KCNN2: variants seen among roughly 807,000 people sequenced by gnomAD.
KCNN2 encodes small conductance calcium-activated potassium channel protein 2.
Under a neutral mutation model 55.5 loss-of-function variants are expected in KCNN2, and 24 were observed. The observed-to-expected ratio is 0.43, with a 90% CI of 0.31 to 0.61. KCNN2 has a LOEUF of 0.61. Ranked by LOEUF, KCNN2 falls within the 20% of genes least tolerant of loss-of-function variation. KCNN2 has a pLI of 0.08. For missense variants in KCNN2, 754 were observed against 853.6 expected, an observed-to-expected ratio of 0.88 and a Z score of 1.45; for synonymous variants, 431 against 336.1, an observed-to-expected ratio of 1.28 and a Z score of -3.09.
In KCNN2 at chr5:114,058,925, G is replaced by C. The variant is rs577292635; in HGVS notation, c.-271+2425G>C. ...TGTGTTTCTGCAGGTTACTTACTGC[G>C]CAGGAGACCAGCTCGGGGGGTCAAG... On this transcript the variant is annotated intron_variant, in intron 1 of 10. Coordinates refer to the KCNN2 transcript ENST00000512097. 3.1e-4 allele frequency among the ~76,000 whole-genome samples: 47 copies of C among 152,284 alleles called. 1 individual carries two copies. Among genetic ancestry groups the C allele is most frequent in the Middle Eastern group, 3.4e-3 (1 of 294 alleles).
chr5:114,320,273 A>G (rs927956260), intron 2 of KCNN2, among the ~76,000 whole-genome samples: 19 of 152,004 alleles, frequency 1.2e-4, no homozygotes, highest in African/African-American at 4.1e-4. Context: ...TCTACAGGGT[A>G]TTAGATTAGT....
chr5:114,334,883 C>A (rs994817553), intron 2 of KCNN2, among the ~76,000 whole-genome samples: 14 of 152,116 alleles, frequency 9.2e-5, no homozygotes, highest in African/African-American at 3.4e-4. Flanking sequence ...CCCTGAAATT[C>A]ATGTGTTTCA....
chr5:114,426,474 T>A (rs867430656), intron 3 of KCNN2, among the ~76,000 whole-genome samples: 1 of 152,236 alleles, frequency 6.6e-6, no homozygotes, highest in Non-Finnish European at 1.5e-5. Flanking sequence ...ATGATGTCTT[T>A]GATTTAATCT....
chr5:114,079,821 A>ATTG (rs1236952518), intron 1 of KCNN2, among the ~76,000 whole-genome samples: 1 of 125,634 alleles, frequency 8.0e-6, no homozygotes, highest in Non-Finnish European at 1.6e-5. Flanking sequence ...TAGATACTTA[A>ATTG]TATGTGTGTG....
At chr5:114,119,259 C>T (rs893169497) in intron 1 of KCNN2, among the ~76,000 whole-genome samples, 3 of 152,104 alleles carry the variant, frequency 2.0e-5, no homozygotes, top group African/African-American at 4.8e-5. Context: ...ACCTCATGCT[C>T]CATTATTAAA....
chr5:114,187,741 C>G (rs993002880), intron 1 of KCNN2, among the ~76,000 whole-genome samples: 13 of 151,648 alleles, frequency 8.6e-5, no homozygotes, highest in South Asian at 6.3e-4. Flanking sequence ...CTCCTGACCT[C>G]GAGATCCACC....
At chr5:114,453,584 A>G (rs150178404) in intron 3 of KCNN2, among the ~76,000 whole-genome samples, 200 of 152,186 alleles carry the variant, frequency 1.3e-3, no homozygotes, top group Middle Eastern at 0.01. Flanking sequence ...GAAGAACACT[A>G]TTTCTTTTCT....
intron 2 of KCNN2, among the ~76,000 whole-genome samples, chr5:114,377,915 A>G (rs1757991759): frequency 6.6e-6 from 1 of 152,174 alleles, no homozygotes; most frequent in African/African-American, 2.4e-5. Flanking sequence ...TTATTCTGTC[A>G]TTGTTACTAC....
At chr5:114,321,587 C>T (rs1756613917) in intron 2 of KCNN2, among the ~76,000 whole-genome samples, 1 of 152,118 alleles carries the variant, frequency 6.6e-6, no homozygotes, top group African/African-American at 2.4e-5. Context: ...TCATTGTTTC[C>T]TCTTTGTAAT....
chr5:114,182,670 A>G (rs1454557830), intron 1 of KCNN2, among the ~76,000 whole-genome samples: 1 of 152,086 alleles, frequency 6.6e-6, no homozygotes, highest in Non-Finnish European at 1.5e-5. Context: ...TCATATTCCA[A>G]CTGTTAGCTG....
chr5:114,436,836 C>T (rs1760021436), intron 3 of KCNN2, among the ~76,000 whole-genome samples: 1 of 152,218 alleles, frequency 6.6e-6, no homozygotes, highest in Admixed American at 6.5e-5. Context: ...CTCTTTGACA[C>T]TATCCAATGT....
intron 1 of KCNN2, among the ~76,000 whole-genome samples, chr5:114,089,643 T>C (rs1751094801): frequency 6.6e-6 from 1 of 152,176 alleles, no homozygotes; most frequent in African/African-American, 2.4e-5. Context: ...TAAATCTCTG[T>C]TTTCTTGGTT....
chr5:114,257,969 G>A (rs892846099), intron 2 of KCNN2, among the ~76,000 whole-genome samples: 1 of 152,152 alleles, frequency 6.6e-6, no homozygotes, highest in African/African-American at 2.4e-5. Flanking sequence ...TATGATGTTG[G>A]TGGTGGGTTT....
At chr5:114,180,020 T>C (rs1389122122) in intron 1 of KCNN2, among the ~76,000 whole-genome samples, 1 of 152,220 alleles carries the variant, frequency 6.6e-6, no homozygotes, top group East Asian at 1.9e-4. Context: ...TGAACATGAC[T>C]TCTATAGGTC....
intron 2 of KCNN2, among the ~76,000 whole-genome samples, chr5:114,373,931 C>T (rs919813271): frequency 1.5e-4 from 23 of 151,452 alleles, no homozygotes; most frequent in Non-Finnish European, 3.4e-4. Flanking sequence ...TAAGTGAAAG[C>T]ATTTGCTGTC....
intron 1 of KCNN2, among the ~76,000 whole-genome samples, chr5:114,200,035 C>CT (rs1753640272): frequency 1.3e-5 from 2 of 152,074 alleles, no homozygotes; most frequent in African/African-American, 4.8e-5. Context: ...GCTGTGCCTC[C>CT]TCTATCTTGA....
At chr5:114,487,805 A>C (rs976629815) in intron 6 of KCNN2, among the ~76,000 whole-genome samples, 4 of 152,198 alleles carry the variant, frequency 2.6e-5, no homozygotes, top group African/African-American at 9.6e-5. Context: ...GGGCTGGCAT[A>C]ATCCTTACTG....
At chr5:114,160,338 T>G (rs1179564926) in intron 1 of KCNN2, among the ~76,000 whole-genome samples, 1 of 152,178 alleles carries the variant, frequency 6.6e-6, no homozygotes, top group African/African-American at 2.4e-5. Flanking sequence ...TATTCCTGAG[T>G]TCTAGTTTGA....
intron 2 of KCNN2, among the ~76,000 whole-genome samples, chr5:114,235,151 T>C (rs1754465799): frequency 6.6e-6 from 1 of 152,194 alleles, no homozygotes; most frequent in Non-Finnish European, 1.5e-5. Flanking sequence ...GAGGAAATTG[T>C]GCTTTCTCTT....
Sources: allele counts gnomAD v4.1 joint callset (sites outside exome capture counted in the v4.1 genomes callset), GRCh38; gene constraint gnomAD v4.1.1; transcripts MANE v1.5; gene names NCBI Gene and HGNC (gene_info 2026-07-23, HGNC 2026-07-21).